The following THEM6 variants were observed in gnomAD, a reference collection of about 807,000 sequenced individuals.
The protein encoded by THEM6 is thioesterase superfamily member 6, also known as protein THEM6.
In THEM6, 10 loss-of-function variants were observed where a neutral mutation model predicts 13.7. The observed-to-expected ratio is 0.73, with a 90% CI of 0.45 to 1.24. The LOEUF (loss-of-function observed/expected upper bound fraction) is 1.24. THEM6 is among the 50% of genes most tolerant of loss of function. The pLI, the probability that THEM6 is intolerant of heterozygous loss-of-function variation, is 0.00. For synonymous variants in THEM6, 161 were observed against 156.0 expected (o/e 1.03, Z -0.24); for missense variants, 317 against 312.6 (o/e 1.01, Z -0.11).
chr8:142,729,529 A>G (rs1587581424), intron 1 of THEM6, among the ~76,000 whole-genome samples: 1 of 152,184 alleles, frequency 6.6e-6, no homozygotes, highest in South Asian at 2.1e-4. Flanking sequence ...TAGACACCCT[A>G]GTTTTATTAT....
At chr8:142,735,169 A>G in intron 1 of THEM6, 157 bp from the exon 2 acceptor site, 1 of 628,684 alleles carries the variant, frequency 1.6e-6, no homozygotes, top group Non-Finnish European at 2.9e-6. Context: ...ATGCAGGGGT[A>G]GCACAAGTGT....
chr8:142,729,286 A>C (rs1364608568), intron 1 of THEM6, among the ~76,000 whole-genome samples: 1 of 152,176 alleles, frequency 6.6e-6, no homozygotes, highest in Non-Finnish European at 1.5e-5. Flanking sequence ...CGTGAACATA[A>C]ATTTAATTTC....
chr8:142,728,082 C>T (rs587626127), intron 1 of THEM6, among the ~76,000 whole-genome samples: 1 of 152,290 alleles, frequency 6.6e-6, no homozygotes, highest in African/African-American at 2.4e-5. Context: ...CGAATCAACT[C>T]TTCATAGTCG....
At position 142,727,440 on chromosome 8, in the gene THEM6, C is replaced by A. The variant is rs781953901; in HGVS notation, c.94C>A (p.Leu32Met). The stretch of plus-strand genomic sequence containing the variant: ...CCTGGTGCGCCTTCCGTGCGCCGTG[C>A]TGCGCGCGCGCCTGCTGCAGCCGCG... ...WYLVRLPCAVLRARLLQPRVR... is the reference protein window; with the variant it reads ...WYLVRLPCAVMRARLLQPRVR... Residue 32 changes from leucine (L) to methionine (M), a missense_variant, in exon 1 of 2, where the codon CTG becomes ATG. Transcript: ENST00000336138. 5.2e-6 allele frequency: 8 copies of A among 1,553,196 alleles called. No individual in the cohort carries two copies. In the East Asian group the frequency reaches 1.7e-4, roughly 33 times the overall value.
intron 1 of THEM6, among the ~76,000 whole-genome samples, chr8:142,731,226 G>C (rs759713922): frequency 1.3e-5 from 2 of 152,028 alleles, no homozygotes; most frequent in Admixed American, 6.6e-5. Flanking sequence ...TACCCCTTTA[G>C]CTTTAGCCAA....
At chr8:142,732,161 A>AACATATATATATATAT (rs1217552333) in intron 1 of THEM6, among the ~76,000 whole-genome samples, 9 of 37,250 alleles carry the variant, frequency 2.4e-4, no homozygotes, top group East Asian at 8.1e-4. Context: ...GGGAGTTTTG[A>AACATATATATATATAT]ATATATATAT....
chr8:142,730,646 A>T (rs1450557974), intron 1 of THEM6, among the ~76,000 whole-genome samples: 1 of 152,086 alleles, frequency 6.6e-6, no homozygotes, highest in African/African-American at 2.4e-5. Context: ...AAAGCTAAAC[A>T]CCATTTTATA....
intron 1 of THEM6, among the ~76,000 whole-genome samples, chr8:142,733,349 G>A (rs186314169): frequency 1.3e-5 from 2 of 152,338 alleles, no homozygotes; most frequent in East Asian, 3.9e-4. Context: ...CTTTATTACT[G>A]CTAGCAGATA....
At position 142,727,852 on chromosome 8, in the gene THEM6, A is replaced by C; in HGVS notation, c.506A>C (p.Gln169Pro). ...SPERVVQHLC[Q>P]RRVEPPELPA... is the part of the protein sequence containing the mutation. The stretch of plus-strand genomic sequence containing the variant: ...GAGCGCGTCGTGCAGCACCTGTGCC[A>C]GCGCAGGGTGAGCGGCCCCCGCCCC... The change falls in exon 1 of 2, where the codon CAG becomes CCG. Residue 169 changes from glutamine to proline, a missense_variant. Transcript: ENST00000336138. 7.1e-7 allele frequency: 1 copy of C among 1,413,336 alleles called. No homozygotes were observed. Among genetic ancestry groups the C allele is most frequent in the Non-Finnish European group, 9.1e-7 (1 of 1,092,946 alleles). The allele number at this position is 1,413,336 out of a possible 1,614,324, so 87.5% of individuals were successfully genotyped here.
chr8:142,728,896 T>C (rs1043863799), intron 1 of THEM6, among the ~76,000 whole-genome samples: 5 of 152,074 alleles, frequency 3.3e-5, no homozygotes, highest in Admixed American at 6.5e-5. Context: ...GGAGTAATTT[T>C]CTTAATTACT....
intron 1 of THEM6, among the ~76,000 whole-genome samples, chr8:142,729,897 T>C (rs1321229151): frequency 2.6e-5 from 4 of 152,244 alleles, no homozygotes; most frequent in Non-Finnish European, 5.9e-5. Flanking sequence ...AGCAGAACAT[T>C]GGCATCTTGG....
At chr8:142,727,890 A>G (rs2129985556) in intron 1 of THEM6, 31 bp downstream of exon 1, 2 of 1,384,560 alleles carry the variant, frequency 1.4e-6, no homozygotes, top group Non-Finnish European at 1.9e-6. Flanking sequence ...GCCCCGGAGC[A>G]CGGCCTTTGT....
chr8:142,735,076 A>G (rs760121989), intron 1 of THEM6: 63 of 475,968 alleles, frequency 1.3e-4, no homozygotes, highest in Non-Finnish European at 1.9e-4. Flanking sequence ...CAACCTGCCA[A>G]CTTCACGGGT....
At position 142,727,525 on chromosome 8, in the gene THEM6, A is replaced by T. The variant is rs1355894079; in HGVS notation, c.179A>T (p.Asp60Val). Residue 60 changes from aspartate to valine, a missense_variant, in exon 1 of 2, where the codon GAC becomes GTC. Transcript: ENST00000336138. The stretch of plus-strand genomic sequence containing the variant: ...GGCCGCGTGCTGCCCTCGGACTTGG[A>T]CCTGCTGCTGCACATGAACAACGCG... ...FPGRVLPSDLDLLLHMNNARY... is the reference protein window; with the variant it reads ...FPGRVLPSDLVLLLHMNNARY... The T allele has an allele frequency of 6.3e-7, 1 of 1,578,728 alleles. No homozygotes were observed. The highest frequency in any genetic ancestry group is 1.4e-5 in the African/African-American group (1 of 72,396).
rs991188409 is a variant in THEM6 at position 142,735,658 on chromosome 8, C to T, written c.*219C>T. 7 of 558,840 alleles carry T rather than the reference C, an allele frequency of 1.3e-5. No individual in the cohort carries two copies. The highest frequency in any genetic ancestry group is 2.3e-5 in the Non-Finnish European group (7 of 308,418). The allele number at this position is 558,840 out of a possible 1,614,324, so 34.6% of individuals were successfully genotyped here. A position where few individuals can be genotyped will look rare whatever the true frequency, so the allele number is the denominator to read the frequency against. ...GTGGCATTGGCATCCTGACCCAGCT[C>T]TGCCCTCAAGGTGGGGATGGATGGG... is the stretch of plus-strand genomic sequence containing the variant. On this transcript the variant is annotated 3_prime_UTR_variant, in exon 2 of 2. Coordinates refer to ENST00000336138, the MANE Select transcript of THEM6 (RefSeq NM_016647.3).
In THEM6 at chr8:142,735,347, G is replaced by A. The variant is rs200343822; in HGVS notation, c.535G>A (p.Ala179Thr). ...GCAGGTGGAGCCCCCTGAGCTGCCC[G>A]CTGATCTGCAGCACTGGATCTCCTA... ...QRRVEPPELP[A>T]DLQHWISYNE... The change falls in exon 2 of 2, where the codon GCT (alanine) becomes ACT (threonine). Residue 179 changes from alanine (A) to threonine (T), a missense_variant. Physicochemically the swap from Ala to Thr is moderately conservative, Grantham distance 58. Transcript: ENST00000336138. The A allele has an allele frequency of 1.2e-5, 19 of 1,565,570 alleles. No homozygotes were observed. Among genetic ancestry groups the A allele is most frequent in the South Asian group, 2.4e-5 (2 of 85,072 alleles).
intron 1 of THEM6, among the ~76,000 whole-genome samples, chr8:142,729,401 T>A (rs6991446): frequency 6.6e-6 from 1 of 152,028 alleles, no homozygotes. Context: ...TAACCTGATG[T>A]GTAACAATCG....
At chr8:142,729,168 C>T (rs1815592174) in intron 1 of THEM6, among the ~76,000 whole-genome samples, 1 of 152,008 alleles carries the variant, frequency 6.6e-6, no homozygotes, top group Admixed American at 6.6e-5. Flanking sequence ...CTCCAGACAT[C>T]GGGATATCTG....
intron 1 of THEM6, among the ~76,000 whole-genome samples, chr8:142,731,760 C>G (rs1815650690): frequency 6.6e-6 from 1 of 152,196 alleles, no homozygotes; most frequent in Admixed American, 6.5e-5. Flanking sequence ...CCTGGGCATG[C>G]ACTGCCGTCA....
Sources: allele counts gnomAD v4.1 joint callset (sites outside exome capture counted in the v4.1 genomes callset), GRCh38; gene constraint gnomAD v4.1.1; transcripts MANE v1.5; gene names NCBI Gene and HGNC (gene_info 2026-07-23, HGNC 2026-07-21).